ZNF516: variants seen among roughly 807,000 people sequenced by gnomAD.
ZNF516 encodes the protein zinc finger protein 516.
A neutral mutation model predicts 79.7 loss-of-function variants in ZNF516; 19 were observed. The ratio of observed to expected loss-of-function variants is 0.24; its 90% confidence interval spans 0.17 to 0.35. ZNF516 has a LOEUF of 0.35. ZNF516 is among the 10% of genes least tolerant of loss of function. The pLI, the probability that ZNF516 is intolerant of heterozygous loss-of-function variation, is 1.00. For missense variants in ZNF516, 1,678 were observed against 1,679.5 expected (o/e 1.00, Z 0.02); for synonymous variants, 877 against 739.5 (o/e 1.19, Z -3.02).
chr18:76,369,476 G>A (rs2074667909), intron 6 of ZNF516, among the ~76,000 whole-genome samples: 1 of 152,122 alleles, frequency 6.6e-6, no homozygotes, highest in Non-Finnish European at 1.5e-5. Flanking sequence ...TCTACATCCA[G>A]CCCAGCTCAA....
At chr18:76,414,412 A>C (rs2075407846) in intron 3 of ZNF516, among the ~76,000 whole-genome samples, 1 of 152,230 alleles carries the variant, frequency 6.6e-6, no homozygotes, top group Non-Finnish European at 1.5e-5. Flanking sequence ...AATGTCTTAC[A>C]ATTTAGCTGA....
intron 1 of ZNF516, among the ~76,000 whole-genome samples, chr18:76,472,310 C>CCA (rs1246874541): frequency 6.6e-6 from 1 of 152,192 alleles, no homozygotes; most frequent in Non-Finnish European, 1.5e-5. Context: ...CTCTTGGCTA[C>CCA]CACCCAGACA....
chr18:76,423,512 CCCCCGAAACACACGCAGGTGAAAAGGCTT>C (rs1317373369), intron 3 of ZNF516, among the ~76,000 whole-genome samples: 175 of 150,366 alleles, frequency 1.2e-3, no homozygotes, highest in African/African-American at 2.3e-3. Flanking sequence ...TGAAAAGGTT[CCCCCGAAACACACGCAGGTGAAAAGGCTT>C]CCCCGAAACA....
chr18:76,372,745 A>G (rs571947433), intron 4 of ZNF516: 1 of 152,398 alleles, frequency 6.6e-6, no homozygotes, highest in Non-Finnish European at 1.5e-5. Context: ...CTTATATGAC[A>G]GATCATTAAC....
chr18:76,472,410 C>T (rs577165148), intron 1 of ZNF516, among the ~76,000 whole-genome samples: 4 of 152,260 alleles, frequency 2.6e-5, no homozygotes, highest in Admixed American at 6.5e-5. Context: ...CACTTGCAAA[C>T]GTGCACCTAT....
intron 3 of ZNF516, among the ~76,000 whole-genome samples, chr18:76,422,336 G>C (rs916699891): frequency 1.3e-5 from 2 of 152,184 alleles, no homozygotes; most frequent in African/African-American, 4.8e-5. Flanking sequence ...AGCAGACCAC[G>C]GTCTCCAGGG....
chr18:76,368,825 T>A (rs1178611776), intron 6 of ZNF516, among the ~76,000 whole-genome samples: 1 of 152,190 alleles, frequency 6.6e-6, no homozygotes, highest in East Asian at 1.9e-4. Flanking sequence ...TTTAAAATAG[T>A]CTAAATGATT....
At chr18:76,455,268 G>C (rs188918235) in intron 2 of ZNF516, among the ~76,000 whole-genome samples, 71 of 152,304 alleles carry the variant, frequency 4.7e-4, no homozygotes, top group African/African-American at 1.6e-3. Flanking sequence ...ACAGTCACGG[G>C]TTTACGCAGT....
At chr18:76,462,178 C>T (rs551181863) in intron 2 of ZNF516, among the ~76,000 whole-genome samples, 53 of 152,202 alleles carry the variant, frequency 3.5e-4, no homozygotes, top group African/African-American at 1.2e-3. Context: ...CACACTTCCA[C>T]GCCAGAGGCC....
chr18:76,376,106 A>C (rs2074783517), intron 4 of ZNF516, among the ~76,000 whole-genome samples: 1 of 152,238 alleles, frequency 6.6e-6, no homozygotes, highest in African/African-American at 2.4e-5. Flanking sequence ...TTAAAGAACT[A>C]TGACATAGAA....
At chr18:76,488,762 T>A (rs976039258) in intron 1 of ZNF516, among the ~76,000 whole-genome samples, 2 of 152,246 alleles carry the variant, frequency 1.3e-5, no homozygotes, top group East Asian at 3.8e-4. Flanking sequence ...TCCATGTCTA[T>A]CACTGAGAAA....
intron 2 of ZNF516, among the ~76,000 whole-genome samples, chr18:76,458,836 TTG>T (rs1390095882): frequency 1.4e-5 from 2 of 145,108 alleles, no homozygotes; most frequent in African/African-American, 5.2e-5. Context: ...TGCCTCACCG[TTG>T]TGTGTGTGCA....
intron 1 of ZNF516, among the ~76,000 whole-genome samples, chr18:76,480,527 A>ATG (rs1171420795): frequency 3.3e-5 from 3 of 91,424 alleles, no homozygotes; most frequent in Non-Finnish European, 6.8e-5. Flanking sequence ...ACACACACAT[A>ATG]TATTTTTTTT....
chr18:76,477,519 G>A (rs887274792), intron 1 of ZNF516, among the ~76,000 whole-genome samples: 1 of 152,160 alleles, frequency 6.6e-6, no homozygotes, highest in South Asian at 2.1e-4. Flanking sequence ...GGGACAAAAG[G>A]CGAGATTCGT....
At chr18:76,396,811 G>T (rs1410273017) in intron 3 of ZNF516, among the ~76,000 whole-genome samples, 1 of 152,208 alleles carries the variant, frequency 6.6e-6, no homozygotes, top group Non-Finnish European at 1.5e-5. Flanking sequence ...TGAGAGGCCG[G>T]AGCACCGCTG....
At chr18:76,445,319 T>A (rs1911980049) in intron 2 of ZNF516, among the ~76,000 whole-genome samples, 1 of 151,962 alleles carries the variant, frequency 6.6e-6, no homozygotes, top group Non-Finnish European at 1.5e-5. Flanking sequence ...TAAATAAGCT[T>A]ACCAGGAAGA....
intron 2 of ZNF516, among the ~76,000 whole-genome samples, chr18:76,445,242 G>A (rs1334626778): frequency 7.1e-6 from 1 of 141,724 alleles, no homozygotes; most frequent in East Asian, 2.1e-4. Flanking sequence ...GGGTGACAGA[G>A]CAAGACTCCA....
At chr18:76,430,578 TCAGATATGA>T (rs1287015198) in intron 3 of ZNF516, among the ~76,000 whole-genome samples, 1 of 152,224 alleles carries the variant, frequency 6.6e-6, no homozygotes, top group Non-Finnish European at 1.5e-5. Flanking sequence ...CCATCAGGTT[TCAGATATGA>T]GATTCAAGCA....
chr18:76,455,677 C>G (rs1421568610), intron 2 of ZNF516, among the ~76,000 whole-genome samples: 1 of 152,186 alleles, frequency 6.6e-6, no homozygotes, highest in African/African-American at 2.4e-5. Context: ...GAAACAAGTA[C>G]CTGGTGAAAG....
Sources: gnomAD v4.1 joint callset for allele counts (sites outside exome capture counted in the v4.1 genomes callset) on GRCh38, gnomAD v4.1.1 for gene constraint, MANE v1.5 for transcripts, NCBI Gene and HGNC (gene_info 2026-07-23, HGNC 2026-07-21) for gene names.